B3GALT1: variants seen among roughly 807,000 people sequenced by gnomAD.
The protein encoded by B3GALT1 is beta-1,3-galactosyltransferase 1, also known as UDP-Gal:betaGlcNAc beta 1,3-galactosyltransferase, polypeptide 1.
In B3GALT1, 10 loss-of-function variants were observed where a neutral mutation model predicts 23.2. The ratio of observed to expected loss-of-function variants is 0.43; its 90% CI spans 0.27 to 0.73. The LOEUF is 0.73. Ranked by LOEUF, B3GALT1 falls within the 30% of genes least tolerant of loss-of-function variation. The pLI, the probability that B3GALT1 is intolerant of heterozygous loss-of-function variation, is 0.21. For missense variants in B3GALT1, 299 were observed against 405.4 expected (o/e 0.74, Z 2.25); for synonymous variants, 156 against 141.5 (o/e 1.10, Z -0.73).
rs200169867 is a variant in B3GALT1, at chr2:167,416,002, C to CA, written c.-510-74166dup. On this transcript the variant is annotated intron_variant, in intron 1 of 4. Coordinates refer to ENST00000392690, the MANE Select transcript of B3GALT1 (RefSeq NM_020981.4). ...ATGGAATTTATAATGAAAAGAGAAGCAAAAAAAAAGATTTGGAAAACTCTC... is the reference window on the plus strand; with the variant it reads ...ATGGAATTTATAATGAAAAGAGAAGCAAAAAAAAAAGATTTGGAAAACTCTC... Among the ~76,000 whole-genome samples, 629 of 150,448 alleles carry CA rather than the reference C, an allele frequency of 4.2e-3. 4 individuals are homozygous for CA. The highest frequency in any genetic ancestry group is 0.023 in the East Asian group (118 of 5,134).
chr2:167,501,260 T>TG (rs1329195697), intron 2 of B3GALT1, among the ~76,000 whole-genome samples: 6 of 152,194 alleles, frequency 3.9e-5, no homozygotes, highest in African/African-American at 1.4e-4. Context: ...GGGCAAAATT[T>TG]GTTTTTTTCT....
intron 1 of B3GALT1, among the ~76,000 whole-genome samples, chr2:167,320,843 C>T (rs1696799777): frequency 6.6e-6 from 1 of 151,532 alleles, no homozygotes; most frequent in African/African-American, 2.4e-5. Context: ...AATAGTTTAC[C>T]TAATGTCTAC....
At chr2:167,605,793 G>A (rs780616340) in intron 2 of B3GALT1, among the ~76,000 whole-genome samples, 6 of 152,110 alleles carry the variant, frequency 3.9e-5, no homozygotes, top group Non-Finnish European at 5.9e-5. Context: ...TCAGAACAAG[G>A]TTAACAGAGC....
intron 2 of B3GALT1, among the ~76,000 whole-genome samples, chr2:167,550,876 T>A (rs1479604328): frequency 6.6e-6 from 1 of 152,182 alleles, no homozygotes; most frequent in Non-Finnish European, 1.5e-5. Context: ...CCAATTTCAG[T>A]GACTTAACCC....
intron 2 of B3GALT1, chr2:167,558,227 T>C (rs904418519): frequency 2.0e-5 from 3 of 152,298 alleles, no homozygotes; most frequent in Non-Finnish European, 4.4e-5. Flanking sequence ...AAACAGATCA[T>C]TTAGATAAAA....
chr2:167,300,094 G>C (rs571470753), intron 1 of B3GALT1, among the ~76,000 whole-genome samples: 2 of 151,944 alleles, frequency 1.3e-5, no homozygotes, highest in African/African-American at 4.8e-5. Context: ...TAGTAGATAC[G>C]GGGTTTCACC....
At chr2:167,820,449 A>G (rs541229803) in intron 4 of B3GALT1, among the ~76,000 whole-genome samples, 81 of 152,272 alleles carry the variant, frequency 5.3e-4, no homozygotes, top group South Asian at 1.0e-3. Flanking sequence ...GAAAGGATCT[A>G]TGGCACTTCC....
intron 3 of B3GALT1, among the ~76,000 whole-genome samples, chr2:167,773,071 A>G (rs1688099000): frequency 1.3e-5 from 2 of 152,142 alleles, no homozygotes; most frequent in South Asian, 4.1e-4. Flanking sequence ...TTGTGTTGGT[A>G]AATGAATGAA....
chr2:167,641,678 A>G (rs1299274773), intron 2 of B3GALT1, among the ~76,000 whole-genome samples: 1 of 152,098 alleles, frequency 6.6e-6, no homozygotes, highest in South Asian at 2.1e-4. Flanking sequence ...CTTCCATGAC[A>G]TTACAGTCTC....
At chr2:167,787,844 G>A (rs1688369261) in intron 3 of B3GALT1, among the ~76,000 whole-genome samples, 1 of 152,230 alleles carries the variant, frequency 6.6e-6, no homozygotes. Flanking sequence ...GATGAGTACT[G>A]TTCAGGGGAT....
chr2:167,439,176 AC>A (rs1159089582), intron 1 of B3GALT1, among the ~76,000 whole-genome samples: 3 of 152,172 alleles, frequency 2.0e-5, no homozygotes, highest in African/African-American at 4.8e-5. Flanking sequence ...TTGATACCTG[AC>A]ATAGTAGTGA....
At chr2:167,804,675 C>G (rs865797874) in intron 3 of B3GALT1, among the ~76,000 whole-genome samples, 2 of 152,190 alleles carry the variant, frequency 1.3e-5, no homozygotes, top group African/African-American at 4.8e-5. Flanking sequence ...TTTATGGCTG[C>G]ATACTATTCC....
intron 2 of B3GALT1, among the ~76,000 whole-genome samples, chr2:167,604,572 A>G (rs960123680): frequency 1.3e-5 from 2 of 152,186 alleles, no homozygotes; most frequent in African/African-American, 4.8e-5. Context: ...TGTAGCAACA[A>G]TGCTTCAGGG....
chr2:167,821,694 C>CAA lies in B3GALT1; in HGVS notation c.-230+2903_-230+2904dup, dbSNP rs1689110512. ...AGGTGATCCACCCGCCTCATCCTCC[C>CAA]AAAGTGCTGAGATTACAGGCGTAAG... On this transcript the variant is annotated intron_variant, in intron 4 of 4. Coordinates refer to ENST00000392690, the MANE Select transcript of B3GALT1 (RefSeq NM_020981.4). Among the ~76,000 whole-genome samples the CAA allele has an allele frequency of 2.0e-5, 3 of 152,308 alleles. No individual in the cohort carries two copies. In the South Asian group the frequency reaches 6.2e-4, roughly 32 times the overall value.
intron 4 of B3GALT1, among the ~76,000 whole-genome samples, chr2:167,844,602 T>C (rs545092290): frequency 1.1e-4 from 17 of 152,346 alleles, no homozygotes; most frequent in African/African-American, 4.1e-4. Context: ...GGGAGCTCGC[T>C]GGGTCCCCAA....
At chr2:167,726,639 TCTCTATGAG>T (rs1354263214) in intron 3 of B3GALT1, among the ~76,000 whole-genome samples, 2 of 152,198 alleles carry the variant, frequency 1.3e-5, no homozygotes, top group Admixed American at 1.3e-4. Flanking sequence ...ATTCACAACA[TCTCTATGAG>T]ATAAAAATCA....
intron 1 of B3GALT1, among the ~76,000 whole-genome samples, chr2:167,445,451 T>C (rs754969032): frequency 3.3e-5 from 5 of 152,182 alleles, no homozygotes; most frequent in Non-Finnish European, 7.4e-5. Context: ...ATCTGTCTAA[T>C]GTTGACAGTG....
At chr2:167,640,071 T>C (rs1037967859) in intron 2 of B3GALT1, among the ~76,000 whole-genome samples, 4 of 152,160 alleles carry the variant, frequency 2.6e-5, no homozygotes, top group African/African-American at 4.8e-5. Context: ...AATATGATGT[T>C]CCAAATAACA....
At chr2:167,579,360 G>A (rs1421034549) in intron 2 of B3GALT1, among the ~76,000 whole-genome samples, 1 of 148,984 alleles carries the variant, frequency 6.7e-6, no homozygotes, top group South Asian at 2.1e-4. Context: ...GGAGAAGGAA[G>A]TGGTTCTCAA....
Sources: allele counts gnomAD v4.1 joint callset (sites outside exome capture counted in the v4.1 genomes callset), GRCh38; gene constraint gnomAD v4.1.1; transcripts MANE v1.5; gene names NCBI Gene and HGNC (gene_info 2026-07-23, HGNC 2026-07-21).